The following ZNF749 variants were observed in gnomAD, a reference collection of about 807,000 sequenced individuals.
ZNF749 encodes zinc finger protein 749.
In ZNF749, 8 loss-of-function variants were observed where a neutral mutation model predicts 7.3. The ratio of observed to expected loss-of-function variants is 1.10; its 90% CI spans 0.64 to 1.98. ZNF749 has a LOEUF of 1.98. ZNF749 is among the 30% of genes most tolerant of loss of function. The pLI is 0.00. For synonymous variants in ZNF749, 310 were observed against 322.4 expected, an observed-to-expected ratio of 0.96 and a Z score of 0.41; for missense variants, 898 against 932.4, an observed-to-expected ratio of 0.96 and a Z score of 0.48.
At chr19:57,430,922 C>G (rs912939336), upstream of ZNF749, among the ~76,000 whole-genome samples, 14 of 151,872 alleles carry the variant, frequency 9.2e-5, no homozygotes, top group Admixed American at 7.9e-4. Flanking sequence ...TGCCTGTAGT[C>G]CCTGCTACTC....
In ZNF749 at chr19:57,435,362, T is replaced by G; in HGVS notation, c.-217T>G. The G allele has an allele frequency of 1.5e-6, 1 of 664,134 alleles. No homozygotes were observed. Among genetic ancestry groups the G allele is most frequent in the Non-Finnish European group, 2.5e-6 (1 of 392,170 alleles). The allele number at this position is 664,134 out of a possible 1,614,324, so 41.1% of individuals were successfully genotyped here. On this transcript the variant is annotated 5_prime_UTR_variant, in exon 1 of 3. Coordinates refer to ENST00000334181, the MANE Select transcript of ZNF749 (RefSeq NM_001023561.4). ...GCCCTCATGGTTGCGTTAGCATGGC[T>G]ACCTAGGGATCTGTTCACTGATTTA...
At position 57,443,815 on chromosome 19, in the gene ZNF749, C is replaced by G; in HGVS notation, c.667C>G (p.Pro223Ala). ...EHQKTHNGERPYEFSECGELF... is the reference protein window; with the variant it reads ...EHQKTHNGERAYEFSECGELF... ...CCAAAAAACCCATAATGGGGAGAGG[C>G]CTTATGAGTTCAGTGAATGTGGGGA... The change falls in exon 3 of 3, where the codon CCT (proline) becomes GCT (alanine). Residue 223 changes from proline (P) to alanine (A), a missense_variant. Physicochemically the swap from Pro to Ala is conservative, Grantham distance 27. Coordinates refer to ENST00000334181, the MANE Select transcript of ZNF749 (RefSeq NM_001023561.4). The G allele has an allele frequency of 2.5e-6, 4 of 1,614,160 alleles. No homozygotes were observed. The South Asian group carries it at 4.4e-5, about 18-fold the overall frequency.
At position 57,445,774 on chromosome 19, in the gene ZNF749, C is replaced by A. The variant is rs1307588483; in HGVS notation, c.*289C>A. 1.3e-5 allele frequency among the ~76,000 whole-genome samples: 2 copies of A among 151,984 alleles called. No homozygotes were observed. Among genetic ancestry groups the A allele is most frequent in the Admixed American group, 1.3e-4 (2 of 15,266 alleles). Reference sequence around the variant, plus strand: ...TGAAGCCCCATCTCTACTAAAAATACAAAAATTAGCTGGGCATGGTGGCAG... The same window carrying A: ...TGAAGCCCCATCTCTACTAAAAATAAAAAAATTAGCTGGGCATGGTGGCAG... On this transcript the variant is annotated 3_prime_UTR_variant, in exon 3 of 3. Transcript: ENST00000334181.
chr19:57,431,859 G>C (rs537572221), upstream of ZNF749, among the ~76,000 whole-genome samples: 170 of 152,212 alleles, frequency 1.1e-3, no homozygotes, highest in Non-Finnish European at 1.7e-3. Flanking sequence ...TTTCACTCTT[G>C]TTGCCCAGGC....
In ZNF749 at chr19:57,445,256, A is replaced by G; in HGVS notation, c.2108A>G (p.Glu703Gly). 6.2e-7 allele frequency: 1 copy of G among 1,613,986 alleles called. No individual in the cohort carries two copies. Among genetic ancestry groups the G allele is most frequent in the East Asian group, 2.2e-5 (1 of 44,878 alleles). Reference protein sequence around the residue: ...EKPHECSKCRELFRTKSSLII... With the variant: ...EKPHECSKCRGLFRTKSSLII... ...CCTCATGAGTGCAGTAAATGTAGGGAATTGTTTAGGACTAAATCGAGCCTT... is the reference window on the plus strand; with the variant it reads ...CCTCATGAGTGCAGTAAATGTAGGGGATTGTTTAGGACTAAATCGAGCCTT... Residue 703 changes from glutamate to glycine, a missense_variant, in exon 3 of 3, where the codon GAA becomes GGA. Coordinates refer to ENST00000334181, the MANE Select transcript of ZNF749 (RefSeq NM_001023561.4).
chr19:57,435,813 G>T lies in ZNF749; in HGVS notation c.15+220G>T. 7 of 956,068 alleles carry T rather than the reference G, an allele frequency of 7.3e-6. No homozygotes were observed. In the South Asian group the frequency reaches 8.7e-5, roughly 12 times the overall value. The allele number at this position is 956,068 out of a possible 1,614,324, so 59.2% of individuals were successfully genotyped here. ...GCACTGCAGAACGGGCGGCACTGGG[G>T]AGCCCGAGCGTCTTTGTCTCCAAGG... On this transcript the variant is annotated intron_variant, in intron 1 of 2. Transcript: ENST00000334181.
upstream of ZNF749, among the ~76,000 whole-genome samples, chr19:57,434,007 T>G (rs2088912593): frequency 6.6e-6 from 1 of 152,218 alleles, no homozygotes; most frequent in African/African-American, 2.4e-5. Flanking sequence ...GAAGATAGCT[T>G]TAGCTCAGGA....
chr19:57,444,635 CT>C lies in ZNF749; in HGVS notation c.1488del (p.His497IlefsTer30). On this transcript the variant is annotated frameshift_variant, in exon 3 of 3. Transcript: ENST00000334181. LOFTEE classifies it low-confidence loss of function (END_TRUNC). ...SECGKAFLTQAHLVGHQKIHT... is the reference protein window; with the variant it reads ...SECGKAFLTQXHLVGHQKIHT... ...TGTGGGAAGGCCTTCCTTACACAGGCTCATCTGGTTGGTCACCAGAAAATCC... is the reference window on the plus strand; with the variant it reads ...TGTGGGAAGGCCTTCCTTACACAGGCCATCTGGTTGGTCACCAGAAAATCC... 1.9e-6 allele frequency: 3 copies of C among 1,611,624 alleles called. No individual in the cohort carries two copies. The highest frequency in any genetic ancestry group is 1.7e-6 in the Non-Finnish European group (2 of 1,179,472).
At position 57,442,840 on chromosome 19, in the gene ZNF749, C is replaced by G. The variant is rs956247833; in HGVS notation, c.143-451C>G. Among the ~76,000 whole-genome samples, 2 of 152,170 alleles carry G rather than the reference C, an allele frequency of 1.3e-5. No homozygotes were observed. Among genetic ancestry groups the G allele is most frequent in the Non-Finnish European group, 2.9e-5 (2 of 68,032 alleles). ...GACCCCTGGCTTCCACCTCTGACCCCTCCTCTCCAGCCTTCATCTCTCCAC... is the reference window on the plus strand; with the variant it reads ...GACCCCTGGCTTCCACCTCTGACCCGTCCTCTCCAGCCTTCATCTCTCCAC... On this transcript the variant is annotated intron_variant, in intron 2 of 2. Coordinates refer to ENST00000334181, the MANE Select transcript of ZNF749 (RefSeq NM_001023561.4). This position sits in a 1 kb window ranked among gnomAD's most constrained non-coding sequence, Gnocchi z 6.6.
upstream of ZNF749, among the ~76,000 whole-genome samples, chr19:57,434,184 G>A (rs1388234784): frequency 6.6e-6 from 1 of 152,010 alleles, no homozygotes; most frequent in Admixed American, 6.6e-5. Context: ...CGTAACCTCC[G>A]CCTCCCGGGT....
At chr19:57,434,087 T>C (rs1322059328), upstream of ZNF749, among the ~76,000 whole-genome samples, 1 of 152,114 alleles carries the variant, frequency 6.6e-6, no homozygotes, top group Non-Finnish European at 1.5e-5. Flanking sequence ...ACCTTGGTCT[T>C]CACAACCCCT....
At chr19:57,435,205 G>T (rs75806657), upstream of ZNF749, 1 of 366,738 alleles carries the variant, frequency 2.7e-6, no homozygotes, top group Non-Finnish European at 5.1e-6. Context: ...GACACTGCGG[G>T]CGACACAGGC....
Position 57,440,800 on chromosome 19 carries a change from G to A in ZNF749, c.16-1085G>A, listed in dbSNP as rs191841539. Among the ~76,000 whole-genome samples the A allele has an allele frequency of 2.6e-5, 4 of 152,214 alleles. No individual in the cohort carries two copies. The East Asian group carries it at 5.8e-4, about 22-fold the overall frequency. ...CTGAGTTTGGGTGTCTGGGAGGCAA[G>A]ATCTGGAGACCCCAAGGAAATGGGG... On this transcript the variant is annotated intron_variant, in intron 1 of 2. Transcript: ENST00000334181.
rs1472742809 is a variant in ZNF749, at chr19:57,444,704, C to G, written c.1556C>G (p.Ala519Gly). Residue 519 changes from alanine to glycine, a missense_variant, in exon 3 of 3, where the codon GCC (alanine) becomes GGC (glycine). Physicochemically the swap from Ala to Gly is moderately conservative, Grantham distance 60 (BLOSUM62 0). Coordinates refer to ENST00000334181, the MANE Select transcript of ZNF749 (RefSeq NM_001023561.4). ...TATGAATGCACTCAATGTGCGAAGG[C>G]CTTTGTTAGAAAGTCCCACCTAGTT... ...RPYECTQCAKAFVRKSHLVQH... is the reference protein window; with the variant it reads ...RPYECTQCAKGFVRKSHLVQH... 1 of 1,611,956 alleles carries G rather than the reference C, an allele frequency of 6.2e-7. No individual in the cohort carries two copies. The highest frequency in any genetic ancestry group is 1.1e-5 in the South Asian group (1 of 90,978).
upstream of ZNF749, among the ~76,000 whole-genome samples, chr19:57,433,301 T>C (rs1047336834): frequency 6.6e-5 from 10 of 152,190 alleles, no homozygotes; most frequent in African/African-American, 1.7e-4. Flanking sequence ...CGAGTTGTTA[T>C]GTGGGATGTT....
At chr19:57,435,667 G>A in intron 1 of ZNF749, 74 bp downstream of exon 1, 1 of 1,560,624 alleles carries the variant, frequency 6.4e-7, no homozygotes, top group Non-Finnish European at 8.7e-7. Flanking sequence ...CCGCCCTGCA[G>A]GTTAGGCCCT....
In ZNF749 at chr19:57,443,834, G is replaced by T. The variant is rs138547766; in HGVS notation, c.686G>T (p.Cys229Phe). The change falls in exon 3 of 3, where the codon TGT becomes TTT. Residue 229 changes from cysteine (C) to phenylalanine (F), a missense_variant. Physicochemically the swap from Cys to Phe is radical, Grantham distance 205. Transcript: ENST00000334181. Reference protein sequence around the residue: ...NGERPYEFSECGELFRYNSNL... With the variant: ...NGERPYEFSEFGELFRYNSNL... The stretch of plus-strand genomic sequence containing the variant: ...GAGAGGCCTTATGAGTTCAGTGAAT[G>T]TGGGGAATTGTTTAGGTACAACTCC... 1.2e-6 allele frequency: 2 copies of T among 1,614,192 alleles called. No homozygotes were observed. Among genetic ancestry groups the T allele is most frequent in the Non-Finnish European group, 1.7e-6 (2 of 1,180,022 alleles).
In ZNF749 at chr19:57,439,345, G is replaced by C. The variant is rs2088965868; in HGVS notation, c.16-2540G>C. Among the ~76,000 whole-genome samples, 1 of 152,136 alleles carries C rather than the reference G, an allele frequency of 6.6e-6. No individual in the cohort carries two copies. The highest frequency in any genetic ancestry group is 1.5e-5 in the Non-Finnish European group (1 of 68,024). On this transcript the variant is annotated intron_variant, in intron 1 of 2. Coordinates refer to ENST00000334181, the MANE Select transcript of ZNF749 (RefSeq NM_001023561.4). This position sits in a 1 kb window ranked among gnomAD's most constrained non-coding sequence, Gnocchi z 4.3. ...CTTGGGAGCTGAGATGGAAGAGGGGGTCAGGAATGGCCCCACAGTTTTGGC... is the reference window on the plus strand; with the variant it reads ...CTTGGGAGCTGAGATGGAAGAGGGGCTCAGGAATGGCCCCACAGTTTTGGC...
In ZNF749 at chr19:57,442,541, G is replaced by A. The variant is rs7248420; in HGVS notation, c.142+530G>A. Among the ~76,000 whole-genome samples, 1 of 152,080 alleles carries A rather than the reference G, an allele frequency of 6.6e-6. No homozygotes were observed. Among genetic ancestry groups the A allele is most frequent in the Non-Finnish European group, 1.5e-5 (1 of 68,028 alleles). Reference sequence around the variant, plus strand: ...TCCCCTCCCTTTCCCTGCCTTTCCCGTAGCTGGACTTATGCCGCAGCTAGA... The same window carrying A: ...TCCCCTCCCTTTCCCTGCCTTTCCCATAGCTGGACTTATGCCGCAGCTAGA... On this transcript the variant is annotated intron_variant, in intron 2 of 2. Transcript: ENST00000334181. This position sits in a 1 kb window ranked among gnomAD's most constrained non-coding sequence, Gnocchi z 6.6.
Sources: gnomAD v4.1 joint callset for allele counts (sites outside exome capture counted in the v4.1 genomes callset) on GRCh38, gnomAD v4.1.1 for gene constraint, Gnocchi (gnomAD v3.1) non-coding constraint, MANE v1.5 for transcripts, NCBI Gene and HGNC (gene_info 2026-07-23, HGNC 2026-07-21) for gene names.